The following GPC5 variants were observed in gnomAD, a reference collection of about 807,000 sequenced individuals.
The protein encoded by GPC5 is glypican-5.
Under a neutral mutation model 53.9 loss-of-function variants are expected in GPC5, and 47 were observed. That is an observed-to-expected ratio of 0.87 (90% CI 0.69 to 1.11). GPC5 has a LOEUF of 1.11. GPC5 is among the 50% of genes most tolerant of loss of function. The probability of loss-of-function intolerance (pLI) is 0.00; values close to 1 mark genes in which losing one functional copy is unlikely to be tolerated. For synonymous variants in GPC5, 286 were observed against 263.3 expected (o/e 1.09, Z -0.84); for missense variants, 748 against 713.1 (o/e 1.05, Z -0.56).
rs183075412 is a variant in GPC5, at chr13:92,849,490, G to A, written c.1562-16792G>A. ...TATTTTGACAATTTTTAAGCTCTAA[G>A]GATTAGCTGTTTAATATTCTTCACT... is the stretch of plus-strand genomic sequence containing the variant. On this transcript the variant is annotated intron_variant, in intron 7 of 7. Transcript: ENST00000377067. Among the ~76,000 whole-genome samples the A allele has an allele frequency of 5.3e-5, 8 of 152,252 alleles. No individual in the cohort carries two copies. The East Asian group carries it at 1.5e-3, about 29-fold the overall frequency.
chr13:91,930,733 C>T (rs888252922), intron 6 of GPC5, among the ~76,000 whole-genome samples: 1 of 151,998 alleles, frequency 6.6e-6, no homozygotes, highest in Non-Finnish European at 1.5e-5. Context: ...CTTCTTTTCC[C>T]CAAACTAATC....
chr13:92,301,012 T>G (rs958484583), intron 7 of GPC5, among the ~76,000 whole-genome samples: 2 of 152,208 alleles, frequency 1.3e-5, no homozygotes, highest in African/African-American at 4.8e-5. Flanking sequence ...TGACAGAAAG[T>G]TTGCTGTTCT....
At chr13:92,193,080 CAGG>C (rs1373143528) in intron 7 of GPC5, among the ~76,000 whole-genome samples, 1 of 152,094 alleles carries the variant, frequency 6.6e-6, no homozygotes, top group Admixed American at 6.6e-5. Context: ...GAGGCTGAAG[CAGG>C]AGAATTGCTT....
At chr13:92,212,661 G>C (rs1228113388) in intron 7 of GPC5, among the ~76,000 whole-genome samples, 1 of 152,172 alleles carries the variant, frequency 6.6e-6, no homozygotes, top group Non-Finnish European at 1.5e-5. Flanking sequence ...TATTCAGCTT[G>C]TATGGGCAAG....
intron 2 of GPC5, among the ~76,000 whole-genome samples, chr13:91,579,660 GCT>G (rs1254961791): frequency 8.6e-6 from 1 of 116,622 alleles, no homozygotes; most frequent in African/African-American, 3.3e-5. Context: ...ATGGAGTTTC[GCT>G]CTGTCACCCA....
intron 2 of GPC5, among the ~76,000 whole-genome samples, chr13:91,640,417 A>G (rs964632400): frequency 6.6e-6 from 1 of 152,228 alleles, no homozygotes; most frequent in Non-Finnish European, 1.5e-5. Flanking sequence ...GCAAATCAAA[A>G]TCACATTGAG....
intron 2 of GPC5, among the ~76,000 whole-genome samples, chr13:91,457,346 G>C (rs1881633262): frequency 6.6e-6 from 1 of 151,996 alleles, no homozygotes; most frequent in African/African-American, 2.4e-5. Context: ...TAGTTTTACA[G>C]TAAAGATAAA....
chr13:92,209,280 A>T (rs1033222777), intron 7 of GPC5, among the ~76,000 whole-genome samples: 2 of 152,180 alleles, frequency 1.3e-5, no homozygotes, highest in African/African-American at 4.8e-5. Context: ...TTGTATACTA[A>T]TTAGGATGTT....
intron 6 of GPC5, among the ~76,000 whole-genome samples, chr13:92,001,571 G>A (rs1037685497): frequency 5.3e-5 from 8 of 152,016 alleles, no homozygotes; most frequent in African/African-American, 1.9e-4. Flanking sequence ...GGAATGCTGA[G>A]GGATCAATTT....
At chr13:92,772,777 T>C (rs549593749) in intron 7 of GPC5, among the ~76,000 whole-genome samples, 102 of 152,334 alleles carry the variant, frequency 6.7e-4, no homozygotes, top group African/African-American at 2.3e-3. Flanking sequence ...GATAAATATC[T>C]GTTGATAAAT....
intron 6 of GPC5, among the ~76,000 whole-genome samples, chr13:91,988,670 T>C (rs1378171797): frequency 6.6e-6 from 1 of 152,158 alleles, no homozygotes; most frequent in African/African-American, 2.4e-5. Flanking sequence ...ATTTTAGCTA[T>C]CATGGAAATT....
intron 7 of GPC5, among the ~76,000 whole-genome samples, chr13:92,840,633 T>TA (rs932206600): frequency 1.3e-5 from 2 of 152,070 alleles, no homozygotes; most frequent in South Asian, 4.1e-4. Context: ...TCTATTTCTG[T>TA]AAAAAAATGC....
chr13:91,554,095 A>G (rs2030803958), intron 2 of GPC5, among the ~76,000 whole-genome samples: 1 of 152,074 alleles, frequency 6.6e-6, no homozygotes, highest in African/African-American at 2.4e-5. Context: ...TCTAGTAACT[A>G]CATATCTAAC....
At chr13:92,154,932 C>T (rs9560940) in intron 7 of GPC5, among the ~76,000 whole-genome samples, 6,507 of 152,204 alleles carry the variant, frequency 0.043, 271 homozygotes, top group African/African-American at 0.099. Context: ...ACTGCCCTTA[C>T]GCATTATGAT....
Position 92,264,378 on chromosome 13 carries a change from G to A in GPC5, c.1561+119389G>A, listed in dbSNP as rs201186155. On this transcript the variant is annotated intron_variant, in intron 7 of 7. Coordinates refer to ENST00000377067, the MANE Select transcript of GPC5 (RefSeq NM_004466.6). Reference sequence around the variant, plus strand: ...GTTACTGGAAATAGGCAAAAGAGAGGTGAGCCCAGCATTTAGCACCATATT... The same window carrying A: ...GTTACTGGAAATAGGCAAAAGAGAGATGAGCCCAGCATTTAGCACCATATT... Among the ~76,000 whole-genome samples, 5 of 152,238 alleles carry A rather than the reference G, an allele frequency of 3.3e-5. No homozygotes were observed. The East Asian group carries it at 9.7e-4, about 29-fold the overall frequency.
At chr13:91,484,080 G>T (rs772794077) in intron 2 of GPC5, among the ~76,000 whole-genome samples, 3 of 152,062 alleles carry the variant, frequency 2.0e-5, no homozygotes, top group Non-Finnish European at 2.9e-5. Flanking sequence ...TTTGTAGAAC[G>T]TACTTTTTTT....
intron 6 of GPC5, 58 bp downstream of exon 6, chr13:91,908,115 TTC>T: frequency 7.8e-7 from 1 of 1,285,980 alleles, no homozygotes; most frequent in Non-Finnish European, 1.0e-6. Context: ...AGTGGTTACT[TTC>T]TGTTATATTT....
intron 7 of GPC5, among the ~76,000 whole-genome samples, chr13:92,800,292 G>T (rs568118108): frequency 6.6e-6 from 1 of 151,936 alleles, no homozygotes; most frequent in South Asian, 2.1e-4. Flanking sequence ...ACATTACGGT[G>T]CATGCTACAT....
intron 5 of GPC5, among the ~76,000 whole-genome samples, chr13:91,805,655 C>T (rs555138962): frequency 6.6e-6 from 1 of 152,260 alleles, no homozygotes; most frequent in African/African-American, 2.4e-5. Flanking sequence ...ATTCTCATGC[C>T]AGATGCTCTT....
Sources: gnomAD v4.1 joint callset for allele counts (sites outside exome capture counted in the v4.1 genomes callset) on GRCh38, gnomAD v4.1.1 for gene constraint, MANE v1.5 for transcripts, NCBI Gene and HGNC (gene_info 2026-07-23, HGNC 2026-07-21) for gene names.